The following FHIT variants were observed in gnomAD, a reference collection of about 807,000 sequenced individuals.
The protein encoded by FHIT is bis(5'-adenosyl)-triphosphatase.
Under a neutral mutation model 17.9 loss-of-function variants are expected in FHIT, and 19 were observed. That is an observed-to-expected ratio of 1.06 (90% CI 0.74 to 1.56). The LOEUF (loss-of-function observed/expected upper bound fraction) is 1.56, where lower values mean the gene tolerates loss of function less well. Among genes scored for constraint, FHIT ranks in the 40% most tolerant of loss-of-function variants. The probability of loss-of-function intolerance (pLI) is 0.00; values close to 1 mark genes in which losing one functional copy is unlikely to be tolerated. For missense variants in FHIT, 248 were observed against 189.2 expected (o/e 1.31, Z -1.82); for synonymous variants, 81 against 69.7 (o/e 1.16, Z -0.81).
chr3:61,190,453 A>T (rs570007817), intron 2 of FHIT, among the ~76,000 whole-genome samples: 4 of 152,322 alleles, frequency 2.6e-5, no homozygotes, highest in Admixed American at 6.5e-5. Flanking sequence ...GAGGATGTGG[A>T]GAAATAGGAA....
intron 8 of FHIT, among the ~76,000 whole-genome samples, chr3:59,818,865 G>C (rs1042832172): frequency 6.6e-6 from 1 of 152,174 alleles, no homozygotes; most frequent in East Asian, 1.9e-4. Flanking sequence ...TTCCTTCCCA[G>C]CTGCCCCTTG....
intron 1 of FHIT, among the ~76,000 whole-genome samples, chr3:61,238,699 C>A (rs968375584): frequency 6.6e-6 from 1 of 152,136 alleles, no homozygotes; most frequent in Non-Finnish European, 1.5e-5. Context: ...TGAATCCAAC[C>A]AGCTTCTTTC....
intron 4 of FHIT, among the ~76,000 whole-genome samples, chr3:60,598,617 AATAAAG>A (rs1319900424): frequency 6.6e-6 from 1 of 152,218 alleles, no homozygotes; most frequent in Non-Finnish European, 1.5e-5. Context: ...GCTAGCAAGT[AATAAAG>A]ATAAACATCC....
intron 5 of FHIT, among the ~76,000 whole-genome samples, chr3:60,280,971 T>C (rs559221133): frequency 6.6e-6 from 1 of 152,354 alleles, no homozygotes; most frequent in South Asian, 2.1e-4. Context: ...CTAGAACAAA[T>C]AAGCAACTGC....
chr3:60,261,603 C>G (rs866470250), intron 5 of FHIT, among the ~76,000 whole-genome samples: 4 of 152,034 alleles, frequency 2.6e-5, no homozygotes, highest in Non-Finnish European at 5.9e-5. Flanking sequence ...AACATAGAAA[C>G]TATCCTCATA....
At chr3:60,607,191 G>T (rs1441038145) in intron 4 of FHIT, among the ~76,000 whole-genome samples, 1 of 151,974 alleles carries the variant, frequency 6.6e-6, no homozygotes, top group Non-Finnish European at 1.5e-5. Context: ...CACCACTAAA[G>T]CCCTTCTCCC....
chr3:60,845,196 C>A (rs1702881871), intron 3 of FHIT, among the ~76,000 whole-genome samples: 2 of 151,990 alleles, frequency 1.3e-5, no homozygotes. Flanking sequence ...CTTTCCATTT[C>A]CCCACAAATT....
intron 5 of FHIT, among the ~76,000 whole-genome samples, chr3:60,372,188 TAA>T (rs1363673633): frequency 1.3e-5 from 2 of 152,160 alleles, no homozygotes; most frequent in Non-Finnish European, 2.9e-5. Flanking sequence ...TTTCCTAGCC[TAA>T]AAAGTCTGAG....
intron 3 of FHIT, among the ~76,000 whole-genome samples, chr3:60,955,335 G>A (rs1049732634): frequency 2.0e-5 from 3 of 152,074 alleles, no homozygotes; most frequent in African/African-American, 7.2e-5. Flanking sequence ...TGCTTTCCAA[G>A]TAGTGTGCCT....
intron 4 of FHIT, among the ~76,000 whole-genome samples, chr3:60,724,524 T>C (rs1357959143): frequency 2.0e-5 from 3 of 152,198 alleles, no homozygotes; most frequent in Non-Finnish European, 4.4e-5. Flanking sequence ...GTCATACATA[T>C]GTTTAACTTT....
intron 3 of FHIT, among the ~76,000 whole-genome samples, chr3:61,028,851 T>C (rs2032865593): frequency 6.7e-6 from 1 of 150,218 alleles, no homozygotes; most frequent in African/African-American, 2.5e-5. Context: ...GACAGAGGGA[T>C]TCCAGGCAGA....
At chr3:59,933,034 C>T (rs1016734446) in intron 7 of FHIT, among the ~76,000 whole-genome samples, 3 of 152,066 alleles carry the variant, frequency 2.0e-5, no homozygotes, top group Non-Finnish European at 4.4e-5. Context: ...CAATGGCTGT[C>T]TCAAAAAGAA....
At chr3:60,392,991 C>T (rs1004691742) in intron 5 of FHIT, among the ~76,000 whole-genome samples, 1 of 152,138 alleles carries the variant, frequency 6.6e-6, no homozygotes, top group African/African-American at 2.4e-5. Context: ...CACCTCTCCA[C>T]CATGACAATG....
chr3:59,887,560 T>C (rs1703680443), intron 8 of FHIT, among the ~76,000 whole-genome samples: 1 of 152,128 alleles, frequency 6.6e-6, no homozygotes, highest in Admixed American at 6.5e-5. Flanking sequence ...TTAGCAGTCA[T>C]AAAAACTTGA....
chr3:61,052,749 T>C (rs1451324640), intron 2 of FHIT, among the ~76,000 whole-genome samples: 1 of 152,200 alleles, frequency 6.6e-6, no homozygotes, highest in Non-Finnish European at 1.5e-5. Flanking sequence ...CACTACACTT[T>C]ATTGTTAGAT....
chr3:60,384,432 A>ATAC (rs1700926615), intron 5 of FHIT, among the ~76,000 whole-genome samples: 1 of 152,142 alleles, frequency 6.6e-6, no homozygotes, highest in Non-Finnish European at 1.5e-5. Context: ...TAATCCAGTT[A>ATAC]TACACTTTAA....
At chr3:59,968,330 G>T (rs1045532138) in intron 7 of FHIT, among the ~76,000 whole-genome samples, 3 of 151,846 alleles carry the variant, frequency 2.0e-5, no homozygotes, top group Non-Finnish European at 4.4e-5. Flanking sequence ...TAAAGGCCTG[G>T]CCAGAAAAAG....
At chr3:61,182,825 G>A (rs940806438) in intron 2 of FHIT, among the ~76,000 whole-genome samples, 2 of 152,122 alleles carry the variant, frequency 1.3e-5, no homozygotes, top group African/African-American at 4.8e-5. Context: ...CCCACTTCAT[G>A]ATTATTTATA....
At chr3:60,397,035 T>C (rs906703531) in intron 5 of FHIT, among the ~76,000 whole-genome samples, 4 of 152,184 alleles carry the variant, frequency 2.6e-5, no homozygotes, top group Non-Finnish European at 5.9e-5. Context: ...CACCAGGCAA[T>C]CAAGCATTTT....
Sources: gnomAD v4.1 joint callset for allele counts (sites outside exome capture counted in the v4.1 genomes callset) on GRCh38, gnomAD v4.1.1 for gene constraint, MANE v1.5 for transcripts, NCBI Gene and HGNC (gene_info 2026-07-23, HGNC 2026-07-21) for gene names.